CCSER1: variants seen among roughly 807,000 people sequenced by gnomAD.
The protein encoded by CCSER1 is serine-rich coiled-coil domain-containing protein 1.
A neutral mutation model predicts 82.0 loss-of-function variants in CCSER1; 41 were observed. The observed-to-expected ratio is 0.50, with a 90% CI of 0.39 to 0.65. CCSER1 has a LOEUF of 0.65. Ranked by LOEUF, CCSER1 falls within the 30% of genes least tolerant of loss-of-function variation. The pLI is 0.00. For missense variants in CCSER1, 1,119 were observed against 1,064.2 expected, an observed-to-expected ratio of 1.05 and a Z score of -0.72; for synonymous variants, 414 against 383.9, an observed-to-expected ratio of 1.08 and a Z score of -0.92.
At chr4:91,274,773 T>G (rs568090696) in intron 10 of CCSER1, among the ~76,000 whole-genome samples, 17 of 152,294 alleles carry the variant, frequency 1.1e-4, no homozygotes, top group African/African-American at 4.1e-4. Context: ...TTGTGAATAA[T>G]GCTGCAATAA....
chr4:90,224,010 T>C (rs1309367754), intron 1 of CCSER1, among the ~76,000 whole-genome samples: 1 of 152,246 alleles, frequency 6.6e-6, no homozygotes, highest in African/African-American at 2.4e-5. Context: ...CTGTAGCTTA[T>C]GAGATTGGGA....
At chr4:91,243,675 A>G (rs1473975489) in intron 10 of CCSER1, among the ~76,000 whole-genome samples, 1 of 152,108 alleles carries the variant, frequency 6.6e-6, no homozygotes, top group Admixed American at 6.6e-5. Context: ...GTCAAAAGCA[A>G]CCTCTGCTTT....
intron 1 of CCSER1, among the ~76,000 whole-genome samples, chr4:90,162,602 A>G (rs1030172397): frequency 6.6e-6 from 1 of 152,090 alleles, no homozygotes; most frequent in Non-Finnish European, 1.5e-5. Context: ...AGTCTAAAAA[A>G]AAAGTTAAGA....
intron 10 of CCSER1, among the ~76,000 whole-genome samples, chr4:91,439,421 A>G (rs1311326657): frequency 1.3e-5 from 2 of 152,134 alleles, no homozygotes; most frequent in Admixed American, 6.5e-5. Context: ...CTTTACAGAC[A>G]AGCAAATGCT....
chr4:91,174,915 C>G (rs1272206466), intron 10 of CCSER1, among the ~76,000 whole-genome samples: 2 of 151,668 alleles, frequency 1.3e-5, no homozygotes, highest in Non-Finnish European at 1.5e-5. Context: ...GTTGGAGTGC[C>G]ATACACATTA....
chr4:90,687,042 C>T (rs1219460696), intron 6 of CCSER1, among the ~76,000 whole-genome samples: 4 of 152,130 alleles, frequency 2.6e-5, no homozygotes, highest in Non-Finnish European at 2.9e-5. Flanking sequence ...TATCGTCTTT[C>T]TCTAGGACTG....
chr4:90,325,990 G>A (rs1300023497), intron 3 of CCSER1, among the ~76,000 whole-genome samples: 1 of 149,674 alleles, frequency 6.7e-6, no homozygotes, highest in Non-Finnish European at 1.5e-5. Flanking sequence ...TGTAATGTAA[G>A]TGTAAAACAG....
At chr4:91,203,008 C>A (rs1221256714) in intron 10 of CCSER1, among the ~76,000 whole-genome samples, 1 of 151,552 alleles carries the variant, frequency 6.6e-6, no homozygotes, top group African/African-American at 2.4e-5. Context: ...GGCAATGGAC[C>A]TTGAATTTGA....
intron 1 of CCSER1, among the ~76,000 whole-genome samples, chr4:90,227,781 G>A (rs952515613): frequency 6.6e-6 from 1 of 152,206 alleles, no homozygotes; most frequent in Admixed American, 6.5e-5. Context: ...TGCACGAGCC[G>A]AAGCAGGGCG....
intron 3 of CCSER1, among the ~76,000 whole-genome samples, chr4:90,327,682 G>A (rs1051742729): frequency 1.3e-5 from 2 of 151,964 alleles, no homozygotes; most frequent in African/African-American, 4.8e-5. Context: ...GGATAATTCC[G>A]TGTTAGGGGG....
In CCSER1 at chr4:91,602,924, T is replaced by G. The variant is rs1764863674; in HGVS notation, c.*3867T>G. On this transcript the variant is annotated 3_prime_UTR_variant, in exon 11 of 11. Transcript: ENST00000509176. ...TTTAGGCATTATTATCAGATCCTGT[T>G]ATGTATTTTCATATGCATATATATA... Among the ~76,000 whole-genome samples the G allele has an allele frequency of 6.6e-6, 1 of 152,078 alleles. No homozygotes were observed. The highest frequency in any genetic ancestry group is 1.5e-5 in the Non-Finnish European group (1 of 67,956).
At chr4:91,394,190 A>G (rs1350118387) in intron 10 of CCSER1, among the ~76,000 whole-genome samples, 1 of 152,096 alleles carries the variant, frequency 6.6e-6, no homozygotes, top group African/African-American at 2.4e-5. Flanking sequence ...CTGGTTATTC[A>G]ATCATATGAG....
At chr4:91,000,475 T>C (rs1290942584) in intron 9 of CCSER1, among the ~76,000 whole-genome samples, 1 of 152,064 alleles carries the variant, frequency 6.6e-6, no homozygotes. Flanking sequence ...ACATTGGTGG[T>C]TTGATAGGAA....
chr4:91,475,781 T>A (rs1223865432), intron 10 of CCSER1, among the ~76,000 whole-genome samples: 2 of 151,824 alleles, frequency 1.3e-5, no homozygotes, highest in African/African-American at 2.4e-5. Flanking sequence ...ACCTATTAAC[T>A]AACATCTCCT....
At chr4:91,145,748 G>GT (rs890341627) in intron 10 of CCSER1, among the ~76,000 whole-genome samples, 3 of 152,102 alleles carry the variant, frequency 2.0e-5, no homozygotes, top group Non-Finnish European at 4.4e-5. Flanking sequence ...TGTTTGGGAT[G>GT]TTTTTTCTTT....
chr4:91,003,240 G>A (rs1453035133), intron 9 of CCSER1, among the ~76,000 whole-genome samples: 2 of 152,138 alleles, frequency 1.3e-5, no homozygotes, highest in African/African-American at 4.8e-5. Context: ...GCCAGGAGCT[G>A]TAGTAGTATG....
chr4:90,662,718 T>G (rs1243128017), intron 6 of CCSER1, among the ~76,000 whole-genome samples: 2 of 152,138 alleles, frequency 1.3e-5, no homozygotes, highest in African/African-American at 4.8e-5. Flanking sequence ...TTAAAACCTA[T>G]TTTTGATAAA....
intron 10 of CCSER1, among the ~76,000 whole-genome samples, chr4:91,394,147 C>T (rs1751825876): frequency 1.3e-5 from 2 of 152,010 alleles, no homozygotes. Flanking sequence ...AATTCAGGAA[C>T]ACAATGTAAT....
chr4:90,873,437 G>C (rs543403143), intron 8 of CCSER1, among the ~76,000 whole-genome samples: 1 of 151,966 alleles, frequency 6.6e-6, no homozygotes, highest in African/African-American at 2.4e-5. Context: ...TTCCTGTTGC[G>C]GGAACCATCA....
Sources: gnomAD v4.1 joint callset for allele counts (sites outside exome capture counted in the v4.1 genomes callset) on GRCh38, gnomAD v4.1.1 for gene constraint, MANE v1.5 for transcripts, NCBI Gene and HGNC (gene_info 2026-07-23, HGNC 2026-07-21) for gene names.